KANK1: variants seen among roughly 807,000 people sequenced by gnomAD.
KANK1 encodes KN motif and ankyrin repeat domains 1.
KANK1 carries 109 observed loss-of-function variants against 106.2 expected under a neutral mutation model. The ratio of observed to expected loss-of-function variants is 1.03; its 90% CI spans 0.88 to 1.20. The LOEUF (loss-of-function observed/expected upper bound fraction) is 1.20. KANK1 is among the 50% of genes most tolerant of loss of function. The probability of loss-of-function intolerance (pLI) is 0.00; values close to 1 mark genes in which losing one functional copy is unlikely to be tolerated. For missense variants in KANK1, 2,399 were observed against 1,710.7 expected (o/e 1.40, Z -7.10); for synonymous variants, 873 against 652.2 (o/e 1.34, Z -5.16).
At chr9:526,667 C>A (rs924381238) in intron 1 of KANK1, among the ~76,000 whole-genome samples, 2 of 151,846 alleles carry the variant, frequency 1.3e-5, no homozygotes, top group African/African-American at 4.9e-5. Flanking sequence ...AAAACAGTAG[C>A]TTTCTGCCCT....
intron 9 of KANK1, among the ~76,000 whole-genome samples, chr9:741,435 G>A (rs1363480360): frequency 6.8e-6 from 1 of 147,750 alleles, no homozygotes; most frequent in Non-Finnish European, 1.5e-5. Context: ...TGATTCTCCT[G>A]CCTTAGCCTC....
intron 1 of KANK1, among the ~76,000 whole-genome samples, chr9:572,191 C>G (rs1296493949): frequency 8.5e-6 from 1 of 117,102 alleles, no homozygotes; most frequent in Non-Finnish European, 1.7e-5. Context: ...GGGTCTTGCT[C>G]TTTTCCCAGG....
At chr9:638,054 T>G (rs1837553889) in intron 1 of KANK1, among the ~76,000 whole-genome samples, 1 of 152,212 alleles carries the variant, frequency 6.6e-6, no homozygotes, top group Non-Finnish European at 1.5e-5. Flanking sequence ...TACATACAGA[T>G]GCACACTGTT....
In KANK1 at chr9:744,578, GC is replaced by G. The variant is rs1836695022; in HGVS notation, c.3988del (p.Gln1330SerfsTer68). 1 of 1,613,986 alleles carries G rather than the reference GC, an allele frequency of 6.2e-7. No homozygotes were observed. Among genetic ancestry groups the G allele is most frequent in the Non-Finnish European group, 8.5e-7 (1 of 1,180,022 alleles). ...GTATGCCCATGTCAACTTTGCAAAA[GC>G]CCAGTCTCCGGTCAGTGTTGTGCAT... ...LLYAHVNFAKAQSPGTPRLGR... is the reference protein window; with the variant it reads ...LLYAHVNFAKXQSPGTPRLGR... On this transcript the variant is annotated frameshift_variant, in exon 11 of 12. Transcript: ENST00000382297. LOFTEE classifies it high-confidence loss of function.
intron 1 of KANK1, among the ~76,000 whole-genome samples, chr9:628,288 G>T (rs1476575428): frequency 6.6e-6 from 1 of 152,152 alleles, no homozygotes. Context: ...ATTCCCTTCA[G>T]TGGGTAACTT....
chr9:650,112 C>G (rs1211440971), intron 1 of KANK1, among the ~76,000 whole-genome samples: 1 of 152,134 alleles, frequency 6.6e-6, no homozygotes, highest in Non-Finnish European at 1.5e-5. Flanking sequence ...GGAGGGATTA[C>G]TTTACTGTTT....
At chr9:563,833 A>C (rs1817119225) in intron 1 of KANK1, among the ~76,000 whole-genome samples, 1 of 152,202 alleles carries the variant, frequency 6.6e-6, no homozygotes, top group Non-Finnish European at 1.5e-5. Flanking sequence ...TGACTGTGTC[A>C]CTAGAAAGTG....
intron 1 of KANK1, among the ~76,000 whole-genome samples, chr9:670,949 GTT>G (rs5895857): frequency 0.1 from 10,090 of 99,788 alleles, 307 homozygotes; most frequent in Non-Finnish European, 0.15. Context: ...GTCTGCTGGA[GTT>G]TTTTTTTTTT....
At chr9:666,222 G>A (rs1285909533) in intron 1 of KANK1, among the ~76,000 whole-genome samples, 1 of 151,666 alleles carries the variant, frequency 6.6e-6, no homozygotes, top group Non-Finnish European at 1.5e-5. Flanking sequence ...TACATTCTGT[G>A]TAGATACAAT....
At chr9:650,462 C>T (rs1352979312) in intron 1 of KANK1, among the ~76,000 whole-genome samples, 4 of 152,200 alleles carry the variant, frequency 2.6e-5, no homozygotes, top group Admixed American at 2.0e-4. Context: ...TAGATTCTTA[C>T]TCCTGGGTCT....
chr9:592,682 A>T (rs895450352), intron 1 of KANK1, among the ~76,000 whole-genome samples: 2 of 151,858 alleles, frequency 1.3e-5, no homozygotes, highest in African/African-American at 4.9e-5. Context: ...ACATTTTAAA[A>T]TATTTTATCT....
chr9:476,295 T>G (rs1587183373), intron 3 of KANK1, among the ~76,000 whole-genome samples: 1 of 151,634 alleles, frequency 6.6e-6, no homozygotes, highest in East Asian at 1.9e-4. Context: ...CCGAGGCGGG[T>G]GGATCACCTG....
chr9:561,031 T>C (rs1378362351), intron 1 of KANK1, among the ~76,000 whole-genome samples: 5 of 152,124 alleles, frequency 3.3e-5, no homozygotes, highest in Admixed American at 6.5e-5. Context: ...GTTTTCTGAC[T>C]TCGTTAGGCT....
Position 745,273 on chromosome 9 carries a change from A to T in KANK1, c.*38A>T. On this transcript the variant is annotated 3_prime_UTR_variant, in exon 12 of 12. Coordinates refer to ENST00000382297, the MANE Select transcript of KANK1 (RefSeq NM_015158.5). ...AGCCCTTTATTTACATGCCACTATT[A>T]AGCTGCTAATTGTTCCTGTTGGGGT... The T allele has an allele frequency of 5.0e-6, 8 of 1,612,786 alleles. No individual in the cohort carries two copies. The highest frequency in any genetic ancestry group is 6.8e-6 in the Non-Finnish European group (8 of 1,178,860).
At chr9:730,881 T>C (rs935201453) in intron 4 of KANK1, 3 of 263,358 alleles carry the variant, frequency 1.1e-5, no homozygotes, top group African/African-American at 6.9e-5. Flanking sequence ...CATCACTTTA[T>C]AAGCAGTAAA....
intron 1 of KANK1, among the ~76,000 whole-genome samples, chr9:519,327 G>C (rs2059443888): frequency 6.6e-6 from 1 of 151,684 alleles, no homozygotes; most frequent in African/African-American, 2.4e-5. Flanking sequence ...CAACTTCTCA[G>C]GATCTGCCAC....
chr9:499,744 A>G (rs2058518570), upstream of KANK1, among the ~76,000 whole-genome samples: 1 of 152,236 alleles, frequency 6.6e-6, no homozygotes, highest in South Asian at 2.1e-4. Context: ...AATTACATTG[A>G]CATAGATCAA....
chr9:703,307 TG>T (rs1241719253), intron 2 of KANK1, among the ~76,000 whole-genome samples: 1 of 150,982 alleles, frequency 6.6e-6, no homozygotes, highest in Non-Finnish European at 1.5e-5. Context: ...TGTTGATATA[TG>T]CCTTTGTCAC....
At chr9:645,041 T>G (rs1839336533) in intron 1 of KANK1, among the ~76,000 whole-genome samples, 1 of 145,940 alleles carries the variant, frequency 6.9e-6, no homozygotes, top group Admixed American at 7.0e-5. Context: ...GGAGAATTGT[T>G]TGAACCTGGG....
Sources: allele counts gnomAD v4.1 joint callset (sites outside exome capture counted in the v4.1 genomes callset), GRCh38; gene constraint gnomAD v4.1.1; transcripts MANE v1.5; gene names NCBI Gene and HGNC (gene_info 2026-07-23, HGNC 2026-07-21).